Variants in ADAMTS17 observed in about 807,000 individuals in gnomAD.
ADAMTS17 encodes ADAM metallopeptidase with thrombospondin type 1 motif 17, also known as A disintegrin and metalloproteinase with thrombospondin motifs 17.
In ADAMTS17, 113 loss-of-function variants were observed where a neutral mutation model predicts 141.5. The observed-to-expected ratio is 0.80, with a 90% CI of 0.69 to 0.93. ADAMTS17 has a LOEUF of 0.93. Among genes scored for constraint, ADAMTS17 ranks in the 40% least tolerant of loss-of-function variants. The pLI, the probability that ADAMTS17 is intolerant of heterozygous loss-of-function variation, is 0.00. For synonymous variants in ADAMTS17, 768 were observed against 630.6 expected, an observed-to-expected ratio of 1.22 and a Z score of -3.27; for missense variants, 1,659 against 1,517.9, an observed-to-expected ratio of 1.09 and a Z score of -1.54.
chr15:100,340,546 C>G (rs2046332318), intron 2 of ADAMTS17, among the ~76,000 whole-genome samples: 1 of 152,192 alleles, frequency 6.6e-6, no homozygotes, highest in Non-Finnish European at 1.5e-5. Flanking sequence ...CTCCAAACTT[C>G]CTGTTCCAGG....
chr15:100,207,624 A>AAAACTTCTTGGTAGAGAAGAAT, intron 7 of ADAMTS17, among the ~76,000 whole-genome samples: 1 of 152,348 alleles, frequency 6.6e-6, no homozygotes, highest in Non-Finnish European at 1.5e-5. Flanking sequence ...AACTAGTTAC[A>AAAACTTCTTGGTAGAGAAGAAT]AAAACGCTTG....
chr15:100,051,563 G>A lies in ADAMTS17; in HGVS notation c.2455+9C>T. On this transcript the variant is annotated intron_variant, in intron 17 of 21. Transcript: ENST00000268070. Reference sequence around the variant, plus strand: ...CACACCCAACAGGTCATGGACCACGGCCACTCACCTCCGCCGCACTGCACA... The same window carrying A: ...CACACCCAACAGGTCATGGACCACGACCACTCACCTCCGCCGCACTGCACA... 1.2e-6 allele frequency: 2 copies of A among 1,612,984 alleles called. No homozygotes were observed. The highest frequency in any genetic ancestry group is 1.7e-6 in the Non-Finnish European group (2 of 1,179,856).
chr15:100,337,115 C>A (rs778341062), intron 2 of ADAMTS17, among the ~76,000 whole-genome samples: 2 of 152,224 alleles, frequency 1.3e-5, no homozygotes, highest in Non-Finnish European at 2.9e-5. Flanking sequence ...ACCTGCTGGT[C>A]CACCCACCTC....
intron 10 of ADAMTS17, among the ~76,000 whole-genome samples, chr15:100,134,643 C>G (rs1734680023): frequency 6.6e-6 from 1 of 152,190 alleles, no homozygotes; most frequent in South Asian, 2.1e-4. Flanking sequence ...AGACGCACAA[C>G]TGTGCTGTCT....
intron 3 of ADAMTS17, among the ~76,000 whole-genome samples, chr15:100,291,247 T>A (rs2142124073): frequency 6.6e-6 from 1 of 152,322 alleles, no homozygotes; most frequent in South Asian, 2.1e-4. Flanking sequence ...TATGAAAAGT[T>A]ACTCAACATC....
chr15:100,082,759 C>A (rs1341063689), intron 15 of ADAMTS17, among the ~76,000 whole-genome samples: 1 of 121,972 alleles, frequency 8.2e-6, no homozygotes, highest in African/African-American at 3.0e-5. Context: ...TACTTTTTCT[C>A]GTTAGTCTTT....
At chr15:100,204,301 C>G (rs747490022) in intron 7 of ADAMTS17, among the ~76,000 whole-genome samples, 7 of 152,224 alleles carry the variant, frequency 4.6e-5, no homozygotes, top group Admixed American at 3.9e-4. Flanking sequence ...CTTACAGGGT[C>G]TGCCTTTGAG....
At chr15:100,329,778 T>C (rs76044927) in intron 3 of ADAMTS17, among the ~76,000 whole-genome samples, 6,855 of 152,178 alleles carry the variant, frequency 0.045, 487 homozygotes, top group African/African-American at 0.16. Flanking sequence ...CCACACAGAC[T>C]AGGCTAAGGA....
intron 7 of ADAMTS17, among the ~76,000 whole-genome samples, chr15:100,208,411 G>C (rs2041663165): frequency 6.6e-6 from 1 of 152,182 alleles, no homozygotes. Context: ...CAGAGGGAAG[G>C]GGCTGTGGCT....
At chr15:100,218,612 C>A (rs899933657) in intron 7 of ADAMTS17, among the ~76,000 whole-genome samples, 13 of 152,208 alleles carry the variant, frequency 8.5e-5, no homozygotes, top group African/African-American at 2.7e-4. Flanking sequence ...TCTTCCTACA[C>A]TGCTGACAGG....
chr15:100,117,116 G>A (rs1596477423), intron 12 of ADAMTS17, 103 bp from the exon 13 acceptor site: 4 of 1,420,560 alleles, frequency 2.8e-6, no homozygotes, highest in Non-Finnish European at 3.8e-6. Flanking sequence ...AGGGGGCAGG[G>A]CAAGGTTTCC....
chr15:100,333,069 TAC>T lies in ADAMTS17; in HGVS notation c.451-2017_451-2016del, dbSNP rs1243103257. On this transcript the variant is annotated intron_variant, in intron 2 of 21. Transcript: ENST00000268070. ...CTGTTGAGAAGTGCCACCTATGCATTACACACAGTCTCACCCCAAATACCCAC... is the reference window on the plus strand; with the variant it reads ...CTGTTGAGAAGTGCCACCTATGCATTACACAGTCTCACCCCAAATACCCAC... Among the ~76,000 whole-genome samples the T allele has an allele frequency of 4.6e-5, 7 of 152,152 alleles. 1 individual carries two copies. The highest frequency in any genetic ancestry group is 6.3e-3 in the Middle Eastern group (2 of 316).
intron 13 of ADAMTS17, among the ~76,000 whole-genome samples, chr15:100,111,473 G>C (rs891204541): frequency 6.6e-6 from 1 of 152,232 alleles, no homozygotes; most frequent in Non-Finnish European, 1.5e-5. Context: ...TTGCTTGACA[G>C]GGTCACTGAG....
In ADAMTS17 at chr15:100,244,351, G is replaced by A. The variant is rs117267521; in HGVS notation, c.1075+9785C>T. Among the ~76,000 whole-genome samples, 53 of 142,168 alleles carry A rather than the reference G, an allele frequency of 3.7e-4. No homozygotes were observed. The East Asian group carries it at 0.01, about 27-fold the overall frequency. The allele number at this position is 142,168 out of a possible 152,430, so 93.3% of individuals were successfully genotyped here. On this transcript the variant is annotated intron_variant, in intron 7 of 21. Transcript: ENST00000268070. ...CGACAGTGGTGGACAAGCAAGATTC[G>A]AATGCAGGTTTAACTGCAGAGCCAA...
chr15:100,239,201 C>T (rs1200750744), intron 7 of ADAMTS17, among the ~76,000 whole-genome samples: 2 of 152,258 alleles, frequency 1.3e-5, no homozygotes, highest in African/African-American at 2.4e-5. Flanking sequence ...ATCTCCCTCT[C>T]TGCACCTCGG....
chr15:99,986,478 A>G (rs2060588137), intron 20 of ADAMTS17, among the ~76,000 whole-genome samples: 3 of 152,244 alleles, frequency 2.0e-5, no homozygotes, highest in South Asian at 2.1e-4. Context: ...AGGCACTGCT[A>G]TCTCCACATC....
intron 7 of ADAMTS17, among the ~76,000 whole-genome samples, chr15:100,231,201 C>T (rs921042666): frequency 2.6e-5 from 4 of 152,156 alleles, no homozygotes; most frequent in African/African-American, 9.7e-5. Context: ...TTATGGCCTA[C>T]GTTGCTTCAA....
chr15:100,242,290 C>T (rs2042851605), intron 7 of ADAMTS17, among the ~76,000 whole-genome samples: 1 of 152,170 alleles, frequency 6.6e-6, no homozygotes, highest in Admixed American at 6.5e-5. Context: ...GAACTCTTGG[C>T]TCAACTCTAA....
chr15:100,164,534 G>A (rs1366184584), intron 8 of ADAMTS17, among the ~76,000 whole-genome samples: 1 of 152,200 alleles, frequency 6.6e-6, no homozygotes, highest in African/African-American at 2.4e-5. Flanking sequence ...CAAAGTGCCT[G>A]GCAGTAGTAG....
Sources: allele counts gnomAD v4.1 joint callset (sites outside exome capture counted in the v4.1 genomes callset), GRCh38; gene constraint gnomAD v4.1.1; transcripts MANE v1.5; gene names NCBI Gene and HGNC (gene_info 2026-07-23, HGNC 2026-07-21).